The following WNT5B variants were observed in gnomAD, a reference collection of about 807,000 sequenced individuals.
WNT5B encodes Wnt family member 5B, also known as protein Wnt-5b.
WNT5B carries 18 observed loss-of-function variants against 36.5 expected under a neutral mutation model. That is an observed-to-expected ratio of 0.49 (90% CI 0.34 to 0.73). WNT5B has a LOEUF of 0.73. WNT5B is among the 30% of genes least tolerant of loss of function. WNT5B has a pLI of 0.01. For synonymous variants in WNT5B, 213 were observed against 212.3 expected, an observed-to-expected ratio of 1.00 and a Z score of -0.03; for missense variants, 424 against 508.4, an observed-to-expected ratio of 0.83 and a Z score of 1.60.
Position 1,630,309 on chromosome 12 carries a change from C to T in WNT5B, c.-58+938C>T. ...GAGGACCGCGGGGGAGCCGCAGGGGCCGTGTGTCCCGAGGCGCAGGCTCGC... is the reference window on the plus strand; with the variant it reads ...GAGGACCGCGGGGGAGCCGCAGGGGTCGTGTGTCCCGAGGCGCAGGCTCGC... On this transcript the variant is annotated intron_variant, in intron 1 of 4. Coordinates refer to ENST00000397196, the MANE Select transcript of WNT5B (RefSeq NM_032642.3). The surrounding 1 kb of genome is among the most constrained non-coding windows in gnomAD (Gnocchi z 5.3). The T allele has an allele frequency of 3.4e-6, 3 of 873,396 alleles. No individual in the cohort carries two copies. In the South Asian group the frequency reaches 1.6e-4, roughly 46 times the overall value. The allele number at this position is 873,396 out of a possible 1,614,324, so 54.1% of individuals were successfully genotyped here.
chr12:1,640,479 A>C (rs568109383), intron 4 of WNT5B, among the ~76,000 whole-genome samples: 1 of 152,336 alleles, frequency 6.6e-6, no homozygotes, highest in East Asian at 1.9e-4. Flanking sequence ...TGACAAACAC[A>C]CTTCTGAGCT....
rs376248597 is a variant in WNT5B at position 1,632,715 on chromosome 12, C to T, written c.138C>T (p.Pro46=). The T allele has an allele frequency of 4.7e-5, 76 of 1,613,512 alleles. No individual in the cohort carries two copies. The East Asian group carries it at 1.3e-3, about 27-fold the overall frequency. ...RPEMFIIGAQ[P]VCSQLPGLSP... ...AGATGTTTATCATCGGTGCCCAGCCCGTGTGCAGTCAGCTTCCCGGGCTCT... is the reference window on the plus strand; with the variant it reads ...AGATGTTTATCATCGGTGCCCAGCCTGTGTGCAGTCAGCTTCCCGGGCTCT... Residue 46 remains proline (P), a synonymous_variant, in exon 3 of 5, where the codon CCC becomes CCT. Transcript: ENST00000397196. The surrounding 1 kb of genome is among the most constrained non-coding windows in gnomAD (Gnocchi z 5.8).
chr12:1,639,808 C>T lies in WNT5B; in HGVS notation c.453C>T (p.Asp151=). The T allele has an allele frequency of 1.9e-6, 3 of 1,613,440 alleles. No individual in the cohort carries two copies. The highest frequency in any genetic ancestry group is 2.5e-6 in the Non-Finnish European group (3 of 1,179,698). Residue 151 remains aspartate, a synonymous_variant, in exon 4 of 5, where the codon GAC becomes GAT. Transcript: ENST00000397196. ...GCAGCCGGACGGCGCGGCCCAAGGACCTGCCCCGGGACTGGCTGTGGGGCG... is the reference window on the plus strand; with the variant it reads ...GCAGCCGGACGGCGCGGCCCAAGGATCTGCCCCGGGACTGGCTGTGGGGCG... The part of the protein sequence containing the change: ...CGCSRTARPK[D]LPRDWLWGGC...
Position 1,645,849 on chromosome 12 carries a change from G to C in WNT5B, c.677G>C (p.Cys226Ser). 1.2e-6 allele frequency: 2 copies of C among 1,609,068 alleles called. No individual in the cohort carries two copies. The highest frequency in any genetic ancestry group is 1.7e-6 in the Non-Finnish European group (2 of 1,177,200). Residue 226 changes from cysteine to serine, a missense_variant, in exon 5 of 5, where the codon TGC (cysteine) becomes TCC (serine). By Grantham distance (112) the Cys-to-Ser change is moderately radical. Transcript: ENST00000397196. Reference protein sequence around the residue: ...ACKCHGVSGSCSLKTCWLQLA... With the variant: ...ACKCHGVSGSSSLKTCWLQLA... The stretch of plus-strand genomic sequence containing the variant: ...AAATGCCACGGCGTCTCGGGGTCCT[G>C]CAGCCTCAAGACCTGCTGGCTGCAG...
intron 1 of WNT5B, among the ~76,000 whole-genome samples, chr12:1,620,027 T>C (rs1296860272): frequency 6.6e-6 from 1 of 152,232 alleles, no homozygotes; most frequent in Admixed American, 6.5e-5. Context: ...CATTAGGTAT[T>C]AATATGACTT....
chr12:1,639,594 GCGTGCGGGT>G (rs1284277722), intron 3 of WNT5B, 81 bp from the exon 4 acceptor site: 1 of 1,376,820 alleles, frequency 7.3e-7, no homozygotes, highest in Non-Finnish European at 9.5e-7. Flanking sequence ...CAGAGCCGTG[GCGTGCGGGT>G]CCGTCGGGGG....
intron 1 of WNT5B, among the ~76,000 whole-genome samples, chr12:1,622,961 C>T (rs1282483509): frequency 6.6e-6 from 1 of 152,076 alleles, no homozygotes; most frequent in Non-Finnish European, 1.5e-5. Flanking sequence ...TTGCTCTGCA[C>T]AGAGAGAGGA....
intron 4 of WNT5B, among the ~76,000 whole-genome samples, chr12:1,643,829 A>T (rs1156957222): frequency 1.3e-5 from 2 of 151,308 alleles, no homozygotes; most frequent in Non-Finnish European, 2.9e-5. Context: ...TATATATATA[A>T]AATCAGTAGT....
upstream of WNT5B, among the ~76,000 whole-genome samples, chr12:1,625,168 A>G (rs2094539354): frequency 2.0e-5 from 3 of 152,158 alleles, no homozygotes; most frequent in Non-Finnish European, 4.4e-5. Context: ...ATGAGGCCAC[A>G]TTGGAAATAA....
rs564913141 is a variant in WNT5B at position 1,632,948 on chromosome 12, C to T, written c.328+43C>T. ...GAGGGCTCGGCCAAGGAACTGCACTCGTCTCGTTTGGGAGCAATTAAGCTC... is the reference window on the plus strand; with the variant it reads ...GAGGGCTCGGCCAAGGAACTGCACTTGTCTCGTTTGGGAGCAATTAAGCTC... On this transcript the variant is annotated intron_variant, in intron 3 of 4. Coordinates refer to ENST00000397196, the MANE Select transcript of WNT5B (RefSeq NM_032642.3). This position sits in a 1 kb window ranked among gnomAD's most constrained non-coding sequence, Gnocchi z 5.8. The T allele has an allele frequency of 1.5e-5, 23 of 1,564,664 alleles. No homozygotes were observed. The highest frequency in any genetic ancestry group is 9.5e-5 in the South Asian group (8 of 84,420).
In WNT5B at chr12:1,639,984, G is replaced by A; in HGVS notation, c.621+8G>A. ...AACGAGGCCGGTCGCAGGGTAAGCT[G>A]GGCCTCCCCGGCCTCCCCAGCACTG... On this transcript the variant is annotated splice_region_variant and intron_variant, in intron 4 of 4. Coordinates refer to ENST00000397196, the MANE Select transcript of WNT5B (RefSeq NM_032642.3). 2 of 1,605,152 alleles carry A rather than the reference G, an allele frequency of 1.2e-6. No individual in the cohort carries two copies. The highest frequency in any genetic ancestry group is 1.7e-5 in the Admixed American group (1 of 58,848).
upstream of WNT5B, among the ~76,000 whole-genome samples, chr12:1,626,103 C>T (rs1170314904): frequency 1.3e-5 from 2 of 151,828 alleles, no homozygotes; most frequent in Admixed American, 6.6e-5. Context: ...CTCAGCCTCC[C>T]AGGCACCACC....
At chr12:1,629,098 G>A (rs1361775288), upstream of WNT5B, 1 of 152,074 alleles carries the variant, frequency 6.6e-6, no homozygotes, top group Non-Finnish European at 1.5e-5. Flanking sequence ...TGGAAAGCCC[G>A]GGGCGGGGGA....
chr12:1,630,292 C>CG lies in WNT5B; in HGVS notation c.-58+926dup, dbSNP rs1231080517. 1.1e-6 allele frequency: 1 copy of CG among 948,400 alleles called. No individual in the cohort carries two copies. The highest frequency in any genetic ancestry group is 1.8e-5 in the African/African-American group (1 of 56,648). 58.7% of individuals were successfully genotyped at this position (948,400 alleles called of 1,614,324 possible). The stretch of plus-strand genomic sequence containing the variant: ...CCCAGACGGGGGCCCCGGAGGACCG[C>CG]GGGGGAGCCGCAGGGGCCGTGTGTC... On this transcript the variant is annotated intron_variant, in intron 1 of 4. Transcript: ENST00000397196. The surrounding 1 kb of genome is among the most constrained non-coding windows in gnomAD (Gnocchi z 5.3).
rs757955400 is a variant in WNT5B at position 1,630,174 on chromosome 12, C to T, written c.-58+803C>T. 533 of 985,382 alleles carry T rather than the reference C, an allele frequency of 5.4e-4. No individual in the cohort carries two copies. The highest frequency in any genetic ancestry group is 1.7e-3 in the Admixed American group (27 of 16,286). The allele number at this position is 985,382 out of a possible 1,614,324, so 61.0% of individuals were successfully genotyped here. A position where few individuals can be genotyped will look rare whatever the true frequency, so the allele number is the denominator to read the frequency against. Reference sequence around the variant, plus strand: ...CCCCTCCCGGGGAGCCTGGGGACGCCGACGCGCGAGAGTGGCGCAGTGAGC... The same window carrying T: ...CCCCTCCCGGGGAGCCTGGGGACGCTGACGCGCGAGAGTGGCGCAGTGAGC... On this transcript the variant is annotated intron_variant, in intron 1 of 4. Coordinates refer to ENST00000397196, the MANE Select transcript of WNT5B (RefSeq NM_032642.3). This position sits in a 1 kb window ranked among gnomAD's most constrained non-coding sequence, Gnocchi z 5.3.
At chr12:1,626,858 C>A (rs956420895), upstream of WNT5B, among the ~76,000 whole-genome samples, 1 of 152,192 alleles carries the variant, frequency 6.6e-6, no homozygotes, top group African/African-American at 2.4e-5. Flanking sequence ...AGCCACTGCG[C>A]CCGGCCGCCA....
rs2094577824 is a variant in WNT5B, at chr12:1,642,725, CT to C, written c.621+2751del. Among the ~76,000 whole-genome samples, 7 of 152,262 alleles carry C rather than the reference CT, an allele frequency of 4.6e-5. 1 individual carries two copies. In the South Asian group the frequency reaches 1.2e-3, roughly 27 times the overall value. On this transcript the variant is annotated intron_variant, in intron 4 of 4. Coordinates refer to ENST00000397196, the MANE Select transcript of WNT5B (RefSeq NM_032642.3). ...TTTATTGCCCTTAATTGTTTGTTGTCTTGTCCGGGCTGTTATCTGGCAGCCT... is the reference window on the plus strand; with the variant it reads ...TTTATTGCCCTTAATTGTTTGTTGTCTGTCCGGGCTGTTATCTGGCAGCCT...
At chr12:1,623,177 G>GTT (rs1565603144) in intron 1 of WNT5B, among the ~76,000 whole-genome samples, 1 of 98,186 alleles carries the variant, frequency 1.0e-5, no homozygotes, top group African/African-American at 4.3e-5. Context: ...CCTTTGAAGG[G>GTT]TTTTTTGTTG....
chr12:1,631,225 GC>G (rs2094550138), intron 1 of WNT5B, 72 bp from the exon 2 acceptor site: 1 of 1,407,134 alleles, frequency 7.1e-7, no homozygotes, highest in South Asian at 1.4e-5. Context: ...AACTTTCTCC[GC>G]CTCACCCCGG....
Sources: allele counts gnomAD v4.1 joint callset (sites outside exome capture counted in the v4.1 genomes callset), GRCh38; gene constraint gnomAD v4.1.1; non-coding constraint Gnocchi (gnomAD v3.1); transcripts MANE v1.5; gene names NCBI Gene and HGNC (gene_info 2026-07-23, HGNC 2026-07-21).